The following BIRC6 variants were observed in gnomAD, a reference collection of about 807,000 sequenced individuals.
BIRC6 encodes the protein dual E2 ubiquitin-conjugating enzyme/E3 ubiquitin-protein ligase BIRC6.
BIRC6 carries 98 observed loss-of-function variants against 503.3 expected under a neutral mutation model. That is an observed-to-expected ratio of 0.19 (90% CI 0.17 to 0.23). The LOEUF (loss-of-function observed/expected upper bound fraction) is 0.23, where lower values mean the gene tolerates loss of function less well. Among genes scored for constraint, BIRC6 ranks in the 10% least tolerant of loss-of-function variants. BIRC6 has a pLI of 1.00. For synonymous variants in BIRC6, 2,240 were observed against 2,078.7 expected (o/e 1.08, Z -2.11); for missense variants, 5,360 against 5,806.0 (o/e 0.92, Z 2.50).
At chr2:32,441,548 T>C in intron 17 of BIRC6, 86 bp downstream of exon 17, 1 of 1,302,760 alleles carries the variant, frequency 7.7e-7, no homozygotes, top group Admixed American at 2.5e-5. Context: ...AAATAAAAAA[T>C]CTTTTACCTG....
At chr2:32,594,921 C>T in intron 67 of BIRC6, 113 bp from the exon 68 acceptor site, 1 of 596,878 alleles carries the variant, frequency 1.7e-6, no homozygotes, top group Non-Finnish European at 2.7e-6. Flanking sequence ...AAGAAGTTGA[C>T]AATTTTTTGG....
chr2:32,522,483 A>G (rs951770905), intron 57 of BIRC6: 7 of 152,176 alleles, frequency 4.6e-5, no homozygotes, highest in Non-Finnish European at 8.8e-5. Flanking sequence ...TTATAAACCA[A>G]TGTTGTCTAG....
At chr2:32,598,455 CTTTTCTA>C (rs2061816718) in intron 69 of BIRC6, among the ~76,000 whole-genome samples, 1 of 151,962 alleles carries the variant, frequency 6.6e-6, no homozygotes, top group East Asian at 1.9e-4. Context: ...CATTTTCTGT[CTTTTCTA>C]GGAAATTTAT....
At chr2:32,578,503 C>T (rs1430447467) in intron 66 of BIRC6, among the ~76,000 whole-genome samples, 1 of 152,054 alleles carries the variant, frequency 6.6e-6, no homozygotes, top group Non-Finnish European at 1.5e-5. Context: ...TTTAAAAATG[C>T]TGTGTATCAC....
chr2:32,592,305 A>G (rs1348359854), intron 66 of BIRC6, among the ~76,000 whole-genome samples: 2 of 152,198 alleles, frequency 1.3e-5, no homozygotes, highest in Admixed American at 1.3e-4. Context: ...AAAGGCAGCC[A>G]TTCAGTGACA....
chr2:32,563,703 A>G (rs1028217466), intron 65 of BIRC6: 1 of 152,174 alleles, frequency 6.6e-6, no homozygotes, highest in Non-Finnish European at 1.5e-5. Flanking sequence ...TATACAATTC[A>G]TTGATTTTTA....
intron 9 of BIRC6, among the ~76,000 whole-genome samples, chr2:32,408,409 C>A (rs904716861): frequency 6.6e-6 from 1 of 152,130 alleles, no homozygotes; most frequent in East Asian, 1.9e-4. Context: ...TGCGCCCGGC[C>A]AAGTTTTTGA....
intron 2 of BIRC6, chr2:32,379,488 A>C (rs1359824180): frequency 6.6e-6 from 1 of 152,128 alleles, no homozygotes; most frequent in African/African-American, 2.4e-5. Flanking sequence ...TCCTCCACCT[A>C]GTTTACTGTT....
intron 73 of BIRC6, among the ~76,000 whole-genome samples, chr2:32,616,018 T>TAA (rs1157761372): frequency 3.3e-5 from 5 of 152,162 alleles, no homozygotes; most frequent in Non-Finnish European, 5.9e-5. Flanking sequence ...TTGCATGTGT[T>TAA]AGACAACCAG....
At chr2:32,484,833 C>A (rs2050817913) in intron 39 of BIRC6, among the ~76,000 whole-genome samples, 1 of 152,254 alleles carries the variant, frequency 6.6e-6, no homozygotes, top group African/African-American at 2.4e-5. Flanking sequence ...CCACACCTGG[C>A]AAATTTATTA....
chr2:32,615,710 C>G (rs2063182782), intron 73 of BIRC6, among the ~76,000 whole-genome samples: 1 of 152,194 alleles, frequency 6.6e-6, no homozygotes. Flanking sequence ...TCTCAGCTCA[C>G]TGGAACCTCT....
intron 45 of BIRC6, among the ~76,000 whole-genome samples, chr2:32,496,337 T>C (rs1572621262): frequency 6.6e-6 from 1 of 151,846 alleles, no homozygotes; most frequent in South Asian, 2.1e-4. Flanking sequence ...GCAATTCTCA[T>C]GCTTCAGCCT....
chr2:32,475,435 G>A (rs557430795), intron 33 of BIRC6, among the ~76,000 whole-genome samples: 12 of 152,230 alleles, frequency 7.9e-5, no homozygotes, highest in African/African-American at 2.6e-4. Context: ...AGGGATGGGG[G>A]AGATAGGATA....
At position 32,499,682 on chromosome 2, in the gene BIRC6, C is replaced by G; in HGVS notation, c.8604C>G (p.His2868Gln). 6.2e-7 allele frequency: 1 copy of G among 1,613,890 alleles called. No individual in the cohort carries two copies. Among genetic ancestry groups the G allele is most frequent in the Non-Finnish European group, 8.5e-7 (1 of 1,179,864 alleles). ...TAGAATCGGTTACATTTTTAGTGCA[C>G]CACTATATCACTTGCTCAGACAAAG... ...AVIESVTFLV[H>Q]HYITCSDKVM... The change falls in exon 46 of 74, where the codon CAC (histidine) becomes CAG (glutamine). Residue 2868 changes from histidine to glutamine, a missense_variant. His to Gln is a conservative substitution (Grantham distance 24). Transcript: ENST00000421745.
chr2:32,448,774 G>C, intron 21 of BIRC6, 21 bp from the exon 22 acceptor site: 1 of 1,585,928 alleles, frequency 6.3e-7, no homozygotes. Context: ...AAAATTGTTA[G>C]TGCATTATTT....
At chr2:32,535,525 A>C (rs886897607) in intron 61 of BIRC6, among the ~76,000 whole-genome samples, 2 of 152,092 alleles carry the variant, frequency 1.3e-5, no homozygotes, top group Admixed American at 6.6e-5. Context: ...TCATTGTTCA[A>C]TTCCCACCTA....
chr2:32,443,959 A>G (rs940220180), intron 20 of BIRC6, among the ~76,000 whole-genome samples: 8 of 151,924 alleles, frequency 5.3e-5, no homozygotes, highest in African/African-American at 1.9e-4. Context: ...TCCAGGTGTC[A>G]TTGCACATGC....
At chr2:32,414,711 A>G (rs2042235501) in intron 9 of BIRC6, 58 bp from the exon 10 acceptor site, 2 of 1,275,342 alleles carry the variant, frequency 1.6e-6, no homozygotes, top group African/African-American at 1.5e-5. Flanking sequence ...TTGTGTATTC[A>G]TAATGTGCTG....
chr2:32,592,293 A>G (rs77054500), intron 66 of BIRC6, among the ~76,000 whole-genome samples: 2,527 of 152,316 alleles, frequency 0.017, 52 homozygotes, highest in African/African-American at 0.059. Flanking sequence ...GAGCACAGGA[A>G]AAAAGGCAGC....
Sources: allele counts gnomAD v4.1 joint callset (sites outside exome capture counted in the v4.1 genomes callset), GRCh38; gene constraint gnomAD v4.1.1; transcripts MANE v1.5; gene names NCBI Gene and HGNC (gene_info 2026-07-23, HGNC 2026-07-21).